The following HIF1A variants were observed in gnomAD, a reference collection of about 807,000 sequenced individuals.
HIF1A encodes the protein hypoxia-inducible factor 1-alpha.
In HIF1A, 24 loss-of-function variants were observed where a neutral mutation model predicts 92.7. That is an observed-to-expected ratio of 0.26 (90% CI 0.19 to 0.36). HIF1A has a LOEUF of 0.36. Ranked by LOEUF, HIF1A falls within the 10% of genes least tolerant of loss-of-function variation. HIF1A has a pLI of 1.00. For synonymous variants in HIF1A, 319 were observed against 338.7 expected, an observed-to-expected ratio of 0.94 and a Z score of 0.64; for missense variants, 799 against 998.5, an observed-to-expected ratio of 0.80 and a Z score of 2.69.
intron 9 of HIF1A, 47 bp from the exon 10 acceptor site, chr14:61,738,040 A>AG: frequency 6.7e-7 from 1 of 1,490,858 alleles, no homozygotes; most frequent in South Asian, 1.4e-5. Context: ...TAAAAAAAAA[A>AG]AAAAATCCTT....
intron 1 of HIF1A, among the ~76,000 whole-genome samples, chr14:61,710,531 C>T (rs1257992673): frequency 6.6e-6 from 1 of 151,976 alleles, no homozygotes; most frequent in Admixed American, 6.6e-5. Context: ...GATATTTTCC[C>T]AGATAAAATA....
At chr14:61,744,932 G>A in intron 13 of HIF1A, 119 bp downstream of exon 13, 1 of 505,600 alleles carries the variant, frequency 2.0e-6, no homozygotes, top group South Asian at 3.6e-5. Flanking sequence ...TATATTTTCA[G>A]AAGTTATACA....
chr14:61,745,137 G>A (rs1211527491), intron 13 of HIF1A, among the ~76,000 whole-genome samples: 1 of 152,018 alleles, frequency 6.6e-6, no homozygotes, highest in Non-Finnish European at 1.5e-5. Context: ...TAAAAGAACT[G>A]CTATTGGCCA....
At chr14:61,706,307 T>G (rs1430318092) in intron 1 of HIF1A, among the ~76,000 whole-genome samples, 1 of 152,188 alleles carries the variant, frequency 6.6e-6, no homozygotes, top group Non-Finnish European at 1.5e-5. Flanking sequence ...TTTAAAAAAT[T>G]GTTTCAGAGA....
chr14:61,695,603 C>G lies in HIF1A; in HGVS notation c.-202C>G. 1 of 611,998 alleles carries G rather than the reference C, an allele frequency of 1.6e-6. No individual in the cohort carries two copies. Among genetic ancestry groups the G allele is most frequent in the South Asian group, 2.0e-5 (1 of 50,862 alleles). The allele number at this position is 611,998 out of a possible 1,614,324, so 37.9% of individuals were successfully genotyped here. On this transcript the variant is annotated 5_prime_UTR_variant, in exon 1 of 15. Coordinates refer to ENST00000337138, the MANE Select transcript of HIF1A (RefSeq NM_001530.4). ...GTCGGGCTGGGCCCTGACAAGCCAC[C>G]TGAGGAGAGGCTCGGAGCCGGGCCC... is the stretch of plus-strand genomic sequence containing the variant.
chr14:61,697,797 C>G, intron 1 of HIF1A: 1 of 1,462,658 alleles, frequency 6.8e-7, no homozygotes, highest in South Asian at 1.4e-5. Context: ...TGAAAGATAA[C>G]TGAGAGGTTG....
chr14:61,738,225 G>T lies in HIF1A; in HGVS notation c.1388G>T (p.Arg463Leu), dbSNP rs377669974. The stretch of plus-strand genomic sequence containing the variant: ...ACCGCTGAAACGCCAAAGCCACTTC[G>T]AAGTAGTGCTGACCCTGCACTCAAT... ...LPTAETPKPL[R>L]SSADPALNQE... The change falls in exon 10 of 15, where the codon CGA becomes CTA. Residue 463 changes from arginine to leucine, a missense_variant. Coordinates refer to ENST00000337138, the MANE Select transcript of HIF1A (RefSeq NM_001530.4). 1.2e-6 allele frequency: 2 copies of T among 1,614,070 alleles called. No individual in the cohort carries two copies. Among genetic ancestry groups the T allele is most frequent in the Non-Finnish European group, 1.7e-6 (2 of 1,180,022 alleles).
At chr14:61,716,599 AT>A (rs1031280994) in intron 1 of HIF1A, among the ~76,000 whole-genome samples, 8 of 151,284 alleles carry the variant, frequency 5.3e-5, no homozygotes, top group African/African-American at 1.7e-4. Context: ...GTGTCCTTTT[AT>A]TTTTTTTTAA....
At chr14:61,718,993 T>C (rs1436589631) in intron 1 of HIF1A, among the ~76,000 whole-genome samples, 2 of 152,224 alleles carry the variant, frequency 1.3e-5, no homozygotes, top group African/African-American at 4.8e-5. Flanking sequence ...AGTATCAGTA[T>C]TGTCACAATA....
intron 12 of HIF1A, among the ~76,000 whole-genome samples, chr14:61,743,983 T>C (rs147282672): frequency 2.0e-5 from 3 of 152,298 alleles, no homozygotes; most frequent in East Asian, 3.9e-4. Context: ...ATGCCTGCCT[T>C]ATCTGTCTTG....
At chr14:61,720,821 ACT>A (rs1311729047) in intron 2 of HIF1A, among the ~76,000 whole-genome samples, 1 of 151,938 alleles carries the variant, frequency 6.6e-6, no homozygotes, top group African/African-American at 2.4e-5. Context: ...TCTTAAACAT[ACT>A]CTCAATTCTT....
At chr14:61,740,311 CA>C (rs2044694305) in intron 10 of HIF1A, 193 bp from the exon 11 acceptor site, 1 of 401,678 alleles carries the variant, frequency 2.5e-6, no homozygotes, top group Admixed American at 4.1e-5. Context: ...ATTATCCCTC[CA>C]CCTTGGCTTC....
intron 9 of HIF1A, 49 bp downstream of exon 9, chr14:61,737,158 GC>G: frequency 7.6e-7 from 1 of 1,315,774 alleles, no homozygotes; most frequent in Non-Finnish European, 1.1e-6. Flanking sequence ...GTTGCTACAA[GC>G]CCCATTTCAA....
intron 12 of HIF1A, among the ~76,000 whole-genome samples, chr14:61,742,985 A>G (rs1320313649): frequency 6.6e-6 from 1 of 151,926 alleles, no homozygotes; most frequent in Non-Finnish European, 1.5e-5. Context: ...TATCAGCTAC[A>G]GAGGATGGGA....
chr14:61,710,418 T>C (rs2044293670), intron 1 of HIF1A, among the ~76,000 whole-genome samples: 1 of 152,194 alleles, frequency 6.6e-6, no homozygotes, highest in Admixed American at 6.5e-5. Flanking sequence ...GTTAGACTCA[T>C]AGAAGATGAT....
At chr14:61,714,624 TA>T (rs2044342877) in intron 1 of HIF1A, among the ~76,000 whole-genome samples, 1 of 151,584 alleles carries the variant, frequency 6.6e-6, no homozygotes, top group Non-Finnish European at 1.5e-5. Flanking sequence ...ATCATTATAG[TA>T]TGTGTGTTAG....
At chr14:61,718,514 G>A (rs1459785947) in intron 1 of HIF1A, among the ~76,000 whole-genome samples, 1 of 152,176 alleles carries the variant, frequency 6.6e-6, no homozygotes, top group Non-Finnish European at 1.5e-5. Context: ...TCCAGTGTAT[G>A]CTGGAGTTAT....
chr14:61,730,873 A>T (rs766284660), intron 6 of HIF1A, among the ~76,000 whole-genome samples: 1 of 152,222 alleles, frequency 6.6e-6, no homozygotes, highest in Non-Finnish European at 1.5e-5. Context: ...ATATAAGACC[A>T]ATTAGAATTA....
chr14:61,733,178 C>CGTAG (rs2044597080), intron 7 of HIF1A, among the ~76,000 whole-genome samples: 1 of 152,074 alleles, frequency 6.6e-6, no homozygotes, highest in African/African-American at 2.4e-5. Context: ...CCCCGCCTAC[C>CGTAG]GGGTTCAAGA....
Sources: gnomAD v4.1 joint callset for allele counts (sites outside exome capture counted in the v4.1 genomes callset) on GRCh38, gnomAD v4.1.1 for gene constraint, MANE v1.5 for transcripts, NCBI Gene and HGNC (gene_info 2026-07-23, HGNC 2026-07-21) for gene names.